Variants in MAP3K5 observed in about 807,000 individuals in gnomAD.
The protein encoded by MAP3K5 is ASK-1.
In MAP3K5, 56 loss-of-function variants were observed where a neutral mutation model predicts 158.7. The ratio of observed to expected loss-of-function variants is 0.35; its 90% CI spans 0.28 to 0.44. The LOEUF (loss-of-function observed/expected upper bound fraction) is 0.44. MAP3K5 is among the 20% of genes least tolerant of loss of function. The pLI is 1.00. For missense variants in MAP3K5, 1,294 were observed against 1,674.8 expected (o/e 0.77, Z 3.97); for synonymous variants, 579 against 601.7 (o/e 0.96, Z 0.55).
rs1785094487 is a variant in MAP3K5, at chr6:136,791,915, G to T, written c.243C>A (p.Gly81=). ...GTCGGCTGCCCCCGCCAACAGAGCT[G>T]CCCCGGCCTCGGGTGGCACTGCTCG... ...TSSSSATRGR[G]SSVGGGSRRT... Residue 81 remains glycine, a synonymous_variant, in exon 1 of 30, where the codon GGC becomes GGA. Transcript: ENST00000359015. 1 of 1,612,966 alleles carries T rather than the reference G, an allele frequency of 6.2e-7. No homozygotes were observed. The highest frequency in any genetic ancestry group is 1.7e-4 in the Middle Eastern group (1 of 6,056).
intron 21 of MAP3K5, among the ~76,000 whole-genome samples, chr6:136,595,809 G>C (rs1562532570): frequency 6.6e-6 from 1 of 152,092 alleles, no homozygotes; most frequent in Non-Finnish European, 1.5e-5. Flanking sequence ...CTCATGTTGG[G>C]AGTTCAAGAC....
rs61451347 is a variant in MAP3K5 at position 136,582,263 on chromosome 6, CGTGTGTGTGTGTGT to C, written c.3411+1278_3411+1291del. 1.8e-3 allele frequency among the ~76,000 whole-genome samples: 249 copies of C among 138,128 alleles called. 2 individuals carry two copies. Among genetic ancestry groups the C allele is most frequent in the African/African-American group, 4.8e-3 (179 of 37,326 alleles). The allele number at this position is 138,128 out of a possible 152,430, so 90.6% of individuals were successfully genotyped here. ...GTGTATGTGTACACGTGTGTGTATACGTGTGTGTGTGTGTGTGTGTGTGTGTGTGTGTGTGTGTG... is the reference window on the plus strand; with the variant it reads ...GTGTATGTGTACACGTGTGTGTATACGTGTGTGTGTGTGTGTGTGTGTGTG... On this transcript the variant is annotated intron_variant, in intron 24 of 29. Coordinates refer to ENST00000359015, the MANE Select transcript of MAP3K5 (RefSeq NM_005923.4).
At chr6:136,620,410 C>A (rs564380253) in intron 15 of MAP3K5, among the ~76,000 whole-genome samples, 21 of 152,186 alleles carry the variant, frequency 1.4e-4, no homozygotes, top group South Asian at 1.2e-3. Context: ...GCGCATGTAC[C>A]CCCTGGTTCT....
At chr6:136,561,051 T>C (rs753346688) in intron 28 of MAP3K5, among the ~76,000 whole-genome samples, 16 of 151,610 alleles carry the variant, frequency 1.1e-4, no homozygotes, top group Non-Finnish European at 1.8e-4. Flanking sequence ...CCTGTCTTTA[T>C]TTTTTTCCCA....
At chr6:136,639,511 A>C in intron 13 of MAP3K5, 32 bp downstream of exon 13, 1 of 1,245,828 alleles carries the variant, frequency 8.0e-7, no homozygotes, top group Non-Finnish European at 1.2e-6. Context: ...AGGTAAGAAG[A>C]ATCTTTTTCA....
intron 10 of MAP3K5, among the ~76,000 whole-genome samples, chr6:136,651,928 C>T (rs1042281964): frequency 1.3e-5 from 2 of 152,030 alleles, no homozygotes; most frequent in Non-Finnish European, 2.9e-5. Context: ...AGGCATCTTC[C>T]TGGCCCAAAT....
At chr6:136,752,017 C>G (rs779320064) in intron 1 of MAP3K5, among the ~76,000 whole-genome samples, 1 of 152,148 alleles carries the variant, frequency 6.6e-6, no homozygotes, top group Admixed American at 6.5e-5. Flanking sequence ...CATTCTAGAG[C>G]CTTTTTCTCA....
At chr6:136,582,779 A>T (rs1283111704) in intron 24 of MAP3K5, among the ~76,000 whole-genome samples, 4 of 152,208 alleles carry the variant, frequency 2.6e-5, no homozygotes, top group African/African-American at 9.6e-5. Flanking sequence ...TTTATACCAC[A>T]AGCACCATCA....
At chr6:136,558,257 T>C (rs923492715) in intron 29 of MAP3K5, among the ~76,000 whole-genome samples, 8 of 151,934 alleles carry the variant, frequency 5.3e-5, no homozygotes, top group Non-Finnish European at 7.4e-5. Flanking sequence ...TGGGCGCCTA[T>C]AGTCCCAGCT....
At chr6:136,744,258 T>C (rs1782836592) in intron 1 of MAP3K5, among the ~76,000 whole-genome samples, 1 of 152,080 alleles carries the variant, frequency 6.6e-6, no homozygotes, top group Non-Finnish European at 1.5e-5. Context: ...GCTGTGTTTG[T>C]GGGAGGGTAA....
chr6:136,707,557 T>TGGG (rs71547040), intron 2 of MAP3K5, among the ~76,000 whole-genome samples: 1 of 143,204 alleles, frequency 7.0e-6, no homozygotes, highest in Non-Finnish European at 1.6e-5. Flanking sequence ...AAGAGGTACT[T>TGGG]GGGGGGGGGG....
chr6:136,566,039 A>G (rs1386007659), intron 26 of MAP3K5, among the ~76,000 whole-genome samples: 1 of 152,228 alleles, frequency 6.6e-6, no homozygotes, highest in Non-Finnish European at 1.5e-5. Flanking sequence ...GCCCTCAGCT[A>G]GAACCAAGAG....
chr6:136,700,872 C>T (rs1421068001), intron 3 of MAP3K5, among the ~76,000 whole-genome samples: 2 of 152,120 alleles, frequency 1.3e-5, no homozygotes, highest in Non-Finnish European at 1.5e-5. Flanking sequence ...CGACTACTGC[C>T]GTTATGGGGA....
At chr6:136,638,853 G>A (rs1777777872) in intron 13 of MAP3K5, among the ~76,000 whole-genome samples, 1 of 152,164 alleles carries the variant, frequency 6.6e-6, no homozygotes, top group Non-Finnish European at 1.5e-5. Context: ...AAAATTCTGA[G>A]TCCAAACTAA....
intron 3 of MAP3K5, among the ~76,000 whole-genome samples, chr6:136,701,804 A>G (rs990673942): frequency 6.6e-6 from 1 of 152,248 alleles, no homozygotes; most frequent in African/African-American, 2.4e-5. Flanking sequence ...AGAGCCAAAA[A>G]GCCAATAAAG....
At chr6:136,571,781 G>C (rs1270316109) in intron 25 of MAP3K5, among the ~76,000 whole-genome samples, 1 of 152,170 alleles carries the variant, frequency 6.6e-6, no homozygotes, top group African/African-American at 2.4e-5. Flanking sequence ...AAGAGAAATT[G>C]CTGGTTCACA....
At chr6:136,678,008 A>G (rs1475580236) in intron 7 of MAP3K5, among the ~76,000 whole-genome samples, 2 of 152,210 alleles carry the variant, frequency 1.3e-5, no homozygotes, top group African/African-American at 4.8e-5. Flanking sequence ...ATATTAAGTT[A>G]TGCAGTGTGG....
chr6:136,648,698 C>T (rs1052427231), intron 11 of MAP3K5, among the ~76,000 whole-genome samples: 1 of 152,222 alleles, frequency 6.6e-6, no homozygotes, highest in Non-Finnish European at 1.5e-5. Context: ...TACTGCCCTT[C>T]CTAGAAACTA....
At chr6:136,778,105 T>C (rs1456250807) in intron 1 of MAP3K5, among the ~76,000 whole-genome samples, 2 of 152,204 alleles carry the variant, frequency 1.3e-5, no homozygotes, top group Non-Finnish European at 2.9e-5. Flanking sequence ...AGAGTCAGTA[T>C]AAACAAGTTC....
Sources: gnomAD v4.1 joint callset for allele counts (sites outside exome capture counted in the v4.1 genomes callset) on GRCh38, gnomAD v4.1.1 for gene constraint, MANE v1.5 for transcripts, NCBI Gene and HGNC (gene_info 2026-07-23, HGNC 2026-07-21) for gene names.